Variants in GFRAL observed in about 807,000 individuals in gnomAD.
The protein encoded by GFRAL is GDNF family receptor alpha like, also known as GDNF family receptor alpha-like.
GFRAL carries 36 observed loss-of-function variants against 45.4 expected under a neutral mutation model. The ratio of observed to expected loss-of-function variants is 0.79; its 90% CI spans 0.61 to 1.05. The LOEUF is 1.05. GFRAL is among the 50% of genes least tolerant of loss of function. The probability of loss-of-function intolerance (pLI) is 0.00; values close to 1 mark genes in which losing one functional copy is unlikely to be tolerated. For missense variants in GFRAL, 507 were observed against 467.5 expected (o/e 1.08, Z -0.78); for synonymous variants, 166 against 154.1 (o/e 1.08, Z -0.57).
chr6:55,398,900 C>T (rs1768860391), intron 6 of GFRAL, among the ~76,000 whole-genome samples: 1 of 151,972 alleles, frequency 6.6e-6, no homozygotes, highest in Non-Finnish European at 1.5e-5. Context: ...TTTTTCTTGT[C>T]TGTATATAAG....
chr6:55,343,766 T>G (rs1053501266), intron 3 of GFRAL, among the ~76,000 whole-genome samples: 3 of 151,802 alleles, frequency 2.0e-5, no homozygotes, highest in African/African-American at 7.3e-5. Flanking sequence ...ATCAACAAAA[T>G]TGACAGACTG....
chr6:55,350,286 ATCATT>A, intron 4 of GFRAL, 141 bp downstream of exon 4: 1 of 577,568 alleles, frequency 1.7e-6, no homozygotes, highest in Non-Finnish European at 3.1e-6. Flanking sequence ...ATGCAGCAAA[ATCATT>A]TCATTTCTTT....
intron 6 of GFRAL, among the ~76,000 whole-genome samples, chr6:55,389,358 T>A (rs1488978266): frequency 6.6e-6 from 1 of 152,106 alleles, no homozygotes; most frequent in Admixed American, 6.5e-5. Flanking sequence ...CTAGTACTTA[T>A]CTCTACTTTT....
chr6:55,339,719 T>C (rs572668907), intron 3 of GFRAL, among the ~76,000 whole-genome samples: 14 of 152,312 alleles, frequency 9.2e-5, no homozygotes, highest in African/African-American at 2.9e-4. Flanking sequence ...TATTACTAGT[T>C]TTAGATTAAT....
intron 6 of GFRAL, among the ~76,000 whole-genome samples, chr6:55,370,010 T>C (rs1288633820): frequency 6.6e-6 from 1 of 152,204 alleles, no homozygotes; most frequent in Non-Finnish European, 1.5e-5. Context: ...GACCCTACTA[T>C]GTGTTATCTG....
chr6:55,357,124 T>G (rs1186340529), intron 5 of GFRAL, among the ~76,000 whole-genome samples: 1 of 151,934 alleles, frequency 6.6e-6, no homozygotes, highest in African/African-American at 2.4e-5. Context: ...GGGTTACCAT[T>G]GACAACGATC....
intron 6 of GFRAL, among the ~76,000 whole-genome samples, chr6:55,366,806 T>C (rs1223743884): frequency 3.8e-4 from 42 of 111,276 alleles, no homozygotes; most frequent in East Asian, 1.3e-3. Context: ...GTCTGAGAGA[T>C]AGTTTGTTAT....
chr6:55,363,359 T>C (rs967084775), intron 6 of GFRAL, among the ~76,000 whole-genome samples: 2 of 152,094 alleles, frequency 1.3e-5, no homozygotes, highest in Non-Finnish European at 2.9e-5. Context: ...CTTATTGCTT[T>C]ACAGGTTCCT....
chr6:55,361,411 C>T lies in GFRAL; in HGVS notation c.952+2273C>T, dbSNP rs28390257. ...TCCTCCCATATACTTTAAATAATAT[C>T]TAGAATACTTATAATATCTAATACA... On this transcript the variant is annotated intron_variant, in intron 6 of 8. Transcript: ENST00000340465. 9.2e-3 allele frequency among the ~76,000 whole-genome samples: 1,397 copies of T among 152,002 alleles called. 20 individuals carry two copies. Among genetic ancestry groups the T allele is most frequent in the African/African-American group, 0.032 (1,339 of 41,492 alleles).
chr6:55,341,916 A>G (rs139312272), intron 3 of GFRAL, among the ~76,000 whole-genome samples: 1,988 of 152,278 alleles, frequency 0.013, 23 homozygotes, highest in Non-Finnish European at 0.022. Flanking sequence ...TGGAAGAAAG[A>G]GTATCAGTGA....
intron 3 of GFRAL, among the ~76,000 whole-genome samples, chr6:55,343,710 A>C (rs6459075): frequency 0.49 from 73,759 of 151,990 alleles, 19,296 homozygotes; most frequent in Non-Finnish European, 0.6. Flanking sequence ...AGACACAAAA[A>C]ACCCTTCAAA....
At chr6:55,343,676 T>G (rs1203890647) in intron 3 of GFRAL, among the ~76,000 whole-genome samples, 2 of 151,752 alleles carry the variant, frequency 1.3e-5, no homozygotes, top group Non-Finnish European at 2.9e-5. Flanking sequence ...ATAACTAAAA[T>G]CAGAGCAGAA....
At chr6:55,351,715 CAATT>C in intron 5 of GFRAL, 132 bp downstream of exon 5, 1 of 600,072 alleles carries the variant, frequency 1.7e-6, no homozygotes, top group Non-Finnish European at 2.8e-6. Context: ...TAAAACCAGA[CAATT>C]AATATTTTTT....
At chr6:55,375,430 T>C (rs868617961) in intron 6 of GFRAL, among the ~76,000 whole-genome samples, 4 of 152,240 alleles carry the variant, frequency 2.6e-5, no homozygotes, top group Middle Eastern at 6.8e-3. Flanking sequence ...TGCTTGTCTG[T>C]TGTTTGTGTA....
chr6:55,385,291 C>T (rs1768664308), intron 6 of GFRAL, among the ~76,000 whole-genome samples: 1 of 151,962 alleles, frequency 6.6e-6, no homozygotes. Context: ...AAAACTGAAG[C>T]TATAAAAGAT....
intron 6 of GFRAL, among the ~76,000 whole-genome samples, chr6:55,390,622 G>A (rs1768736006): frequency 6.6e-6 from 1 of 152,088 alleles, no homozygotes; most frequent in African/African-American, 2.4e-5. Flanking sequence ...AGGCGTGGTG[G>A]CTCACACCTG....
intron 6 of GFRAL, among the ~76,000 whole-genome samples, chr6:55,391,068 G>C (rs1768747721): frequency 6.6e-6 from 1 of 151,998 alleles, no homozygotes; most frequent in Admixed American, 6.6e-5. Context: ...AGGCTCAGAG[G>C]TTAAATTAAC....
chr6:55,332,528 T>C (rs1014217648), intron 2 of GFRAL, among the ~76,000 whole-genome samples: 3 of 152,010 alleles, frequency 2.0e-5, no homozygotes, highest in African/African-American at 7.2e-5. Context: ...CAAACGATTC[T>C]TTCTCCTGCC....
chr6:55,349,548 C>G (rs540813883), intron 3 of GFRAL, among the ~76,000 whole-genome samples: 20 of 151,992 alleles, frequency 1.3e-4, no homozygotes, highest in African/African-American at 4.8e-4. Context: ...AACCAATGTT[C>G]CTTTAAAGAT....
Sources: allele counts gnomAD v4.1 joint callset (sites outside exome capture counted in the v4.1 genomes callset), GRCh38; gene constraint gnomAD v4.1.1; transcripts MANE v1.5; gene names NCBI Gene and HGNC (gene_info 2026-07-23, HGNC 2026-07-21).